Variants in ZNF699 observed in about 807,000 individuals in gnomAD.
ZNF699 encodes the protein zinc finger protein 699.
Under a neutral mutation model 22.5 loss-of-function variants are expected in ZNF699, and 18 were observed. The observed-to-expected ratio is 0.80, with a 90% CI of 0.55 to 1.19. The LOEUF is 1.19. Ranked by LOEUF, ZNF699 falls within the 50% of genes most tolerant of loss-of-function variation. The probability of loss-of-function intolerance (pLI) is 0.00; values close to 1 mark genes in which losing one functional copy is unlikely to be tolerated. For synonymous variants in ZNF699, 241 were observed against 262.3 expected (o/e 0.92, Z 0.78); for missense variants, 670 against 763.4 (o/e 0.88, Z 1.44).
chr19:9,296,673 G>A lies in ZNF699; in HGVS notation c.731C>T (p.Thr244Ile). The change falls in exon 6 of 6, where the codon ACC becomes ATC. Residue 244 changes from threonine (T) to isoleucine (I), a missense_variant. By Grantham distance (89) the Thr-to-Ile change is moderately conservative. Transcript: ENST00000591998. ...TTCATAGGGCTTCTCTTCAGTGGGGGTTTTCATATGCTTCTTGAAACAAGC... is the reference window on the plus strand; with the variant it reads ...TTCATAGGGCTTCTCTTCAGTGGGGATTTTCATATGCTTCTTGAAACAAGC... ...FLACFKKHMK[T>I]PTEEKPYECK... is the part of the protein sequence containing the mutation. 6.2e-7 allele frequency: 1 copy of A among 1,610,748 alleles called. No homozygotes were observed. Among genetic ancestry groups the A allele is most frequent in the Non-Finnish European group, 8.5e-7 (1 of 1,179,158 alleles).
chr19:9,298,018 G>T, intron 3 of ZNF699, 28 bp from the exon 4 acceptor site: 1 of 1,442,600 alleles, frequency 6.9e-7, no homozygotes, highest in Non-Finnish European at 9.7e-7. Context: ...CATATCACGA[G>T]GGAAAATAAT....
At chr19:9,299,918 A>G (rs188775415) in intron 3 of ZNF699, among the ~76,000 whole-genome samples, 1 of 152,278 alleles carries the variant, frequency 6.6e-6, no homozygotes, top group Non-Finnish European at 1.5e-5. Context: ...ACACCTCACC[A>G]AAGAACATAT....
In ZNF699 at chr19:9,297,776, C is replaced by T. The variant is rs185985409; in HGVS notation, c.286+104G>A. The T allele has an allele frequency of 6.0e-6, 5 of 837,152 alleles. No individual in the cohort carries two copies. In the East Asian group the frequency reaches 1.2e-4, roughly 21 times the overall value. The allele number at this position is 837,152 out of a possible 1,614,324, so 51.9% of individuals were successfully genotyped here. On this transcript the variant is annotated intron_variant, in intron 4 of 5. Transcript: ENST00000591998. The surrounding 1 kb of genome is among the most constrained non-coding windows in gnomAD (Gnocchi z 4.3). ...AAGTCAAAATAGTCATCTGAGCTAT[C>T]TGTGGAAGATGAGCTTCCTCATATA...
intron 1 of ZNF699, among the ~76,000 whole-genome samples, chr19:9,306,568 A>G (rs1489203967): frequency 1.3e-5 from 2 of 152,254 alleles, no homozygotes; most frequent in Admixed American, 6.5e-5. Context: ...AATATATGCC[A>G]TCTGGACAAC....
In ZNF699 at chr19:9,296,320, G is replaced by C. The variant is rs763105613; in HGVS notation, c.1084C>G (p.Pro362Ala). The stretch of plus-strand genomic sequence containing the variant: ...TTCCCACACTCTTTACATTCATAAG[G>C]CTTCTCTCCAGTGTGAATTCTTATA... ...IHIRIHTGEK[P>A]YECKECGKAF... The change falls in exon 6 of 6, where the codon CCT (proline) becomes GCT (alanine). Residue 362 changes from proline (P) to alanine (A), a missense_variant. Pro to Ala is a conservative substitution (Grantham distance 27, BLOSUM62 -1). Coordinates refer to ENST00000591998, the MANE Select transcript of ZNF699 (RefSeq NM_198535.3). The C allele has an allele frequency of 5.6e-6, 9 of 1,613,798 alleles. No homozygotes were observed. The highest frequency in any genetic ancestry group is 2.7e-5 in the African/African-American group (2 of 74,942).
rs2066275809 is a variant in ZNF699, at chr19:9,293,984, C to T, written c.*1491G>A. Among the ~76,000 whole-genome samples the T allele has an allele frequency of 6.6e-6, 1 of 150,882 alleles. No individual in the cohort carries two copies. ...CTGTTTAAAGGTGTCAAGTATAAAT[C>T]TTCCTCCATTAAAACAGGATGATAC... is the stretch of plus-strand genomic sequence containing the variant. On this transcript the variant is annotated 3_prime_UTR_variant, in exon 6 of 6. Transcript: ENST00000591998.
intron 1 of ZNF699, among the ~76,000 whole-genome samples, chr19:9,307,772 C>T (rs531981961): frequency 1.3e-5 from 2 of 151,818 alleles, no homozygotes; most frequent in Non-Finnish European, 2.9e-5. Context: ...GATGGTGAAA[C>T]CCACCTCTAC....
At chr19:9,304,780 G>A (rs1228881004) in intron 2 of ZNF699, among the ~76,000 whole-genome samples, 3 of 152,080 alleles carry the variant, frequency 2.0e-5, no homozygotes, top group African/African-American at 4.8e-5. Context: ...AAAGTTAGCC[G>A]AGAGTGGTGG....
At chr19:9,303,759 A>G (rs1344770818) in intron 2 of ZNF699, among the ~76,000 whole-genome samples, 2 of 152,132 alleles carry the variant, frequency 1.3e-5, no homozygotes, top group African/African-American at 4.8e-5. Context: ...TTATTGCTCT[A>G]GAGATTACAA....
In ZNF699 at chr19:9,297,947, T is replaced by G; in HGVS notation, c.219A>C (p.Gln73His). The change falls in exon 4 of 6, where the codon CAA becomes CAC. Residue 73 changes from glutamine to histidine, a missense_variant. Gln to His is a conservative substitution (Grantham distance 24). Transcript: ENST00000591998. The surrounding 1 kb of genome is among the most constrained non-coding windows in gnomAD (Gnocchi z 4.3). ...TCTTCACTGTCTGCAGGTCCTCCTC[T>G]TGTTCCCACTGGGAGATCAGATGGG... is the stretch of plus-strand genomic sequence containing the variant. ...HTPHLISQWE[Q>H]EEDLQTVKRE... 3 of 1,613,656 alleles carry G rather than the reference T, an allele frequency of 1.9e-6. No homozygotes were observed. Among genetic ancestry groups the G allele is most frequent in the Non-Finnish European group, 8.5e-7 (1 of 1,179,966 alleles).
In ZNF699 at chr19:9,295,829, G is replaced by A; in HGVS notation, c.1575C>T (p.His525=). The change falls in exon 6 of 6, where the codon CAC becomes CAT. Residue 525 remains histidine, a synonymous_variant. Coordinates refer to ENST00000591998, the MANE Select transcript of ZNF699 (RefSeq NM_198535.3). The part of the protein sequence containing the change: ...SSHLTVHIRT[H]TGEKPYECKK... ...TACATTCATAGGGTTTCTCTCCAGT[G>A]TGAGTTCTGATATGTACTGTAAGGT... 1 of 1,613,886 alleles carries A rather than the reference G, an allele frequency of 6.2e-7. No homozygotes were observed. The highest frequency in any genetic ancestry group is 1.1e-5 in the South Asian group (1 of 91,048).
chr19:9,296,557 C>T lies in ZNF699; in HGVS notation c.847G>A (p.Glu283Lys). The T allele has an allele frequency of 1.2e-6, 2 of 1,614,180 alleles. No individual in the cohort carries two copies. Among genetic ancestry groups the T allele is most frequent in the Non-Finnish European group, 1.7e-6 (2 of 1,180,022 alleles). The change falls in exon 6 of 6, where the codon GAA becomes AAA. Residue 283 changes from glutamate (E) to lysine (K), a missense_variant. Coordinates refer to ENST00000591998, the MANE Select transcript of ZNF699 (RefSeq NM_198535.3). ...GAACAACTAAAACCTTTCCCACATT[C>T]TTTACATTCATAGTTTGTCTTTCCG... ...HIGKTNYECK[E>K]CGKGFSCSSS...
At chr19:9,299,199 A>G (rs889042735) in intron 3 of ZNF699, among the ~76,000 whole-genome samples, 3 of 152,194 alleles carry the variant, frequency 2.0e-5, no homozygotes, top group African/African-American at 4.8e-5. Context: ...CAGTGCCACA[A>G]TCTCAGCTCA....
In ZNF699 at chr19:9,295,216, A is replaced by G. The variant is rs2066279851; in HGVS notation, c.*259T>C. Reference sequence around the variant, plus strand: ...TCCTATCAGAAAACACTGGTAATCAACGAGCCAGCATTCTACTTTAAGGAT... The same window carrying G: ...TCCTATCAGAAAACACTGGTAATCAGCGAGCCAGCATTCTACTTTAAGGAT... On this transcript the variant is annotated 3_prime_UTR_variant, in exon 6 of 6. Coordinates refer to ENST00000591998, the MANE Select transcript of ZNF699 (RefSeq NM_198535.3). The G allele has an allele frequency of 6.8e-6, 3 of 442,010 alleles. No individual in the cohort carries two copies. The highest frequency in any genetic ancestry group is 5.8e-5 in the South Asian group (1 of 17,100). The allele number at this position is 442,010 out of a possible 1,614,324, so 27.4% of individuals were successfully genotyped here. A position where few individuals can be genotyped will look rare whatever the true frequency, so the allele number is the denominator to read the frequency against.
rs147561518 is a variant in ZNF699 at position 9,292,010 on chromosome 19, A to G, written c.*3465T>C. On this transcript the variant is annotated 3_prime_UTR_variant, in exon 6 of 6. Coordinates refer to ENST00000591998, the MANE Select transcript of ZNF699 (RefSeq NM_198535.3). The stretch of plus-strand genomic sequence containing the variant: ...AGCCACTGTGCCTGGCCAAGCAGCA[A>G]TCTTTAGCAATCTAAACACATGTTA... 5.9e-5 allele frequency among the ~76,000 whole-genome samples: 9 copies of G among 152,236 alleles called. No homozygotes were observed. The highest frequency in any genetic ancestry group is 1.7e-4 in the African/African-American group (7 of 41,544).
At chr19:9,298,296 A>C (rs1318763741) in intron 3 of ZNF699, among the ~76,000 whole-genome samples, 1 of 152,088 alleles carries the variant, frequency 6.6e-6, no homozygotes, top group Non-Finnish European at 1.5e-5. Flanking sequence ...AAATACAAAA[A>C]TTAGCAGGGT....
intron 1 of ZNF699, among the ~76,000 whole-genome samples, chr19:9,307,062 A>G (rs890003676): frequency 2.0e-5 from 3 of 152,114 alleles, no homozygotes; most frequent in African/African-American, 7.2e-5. Context: ...TCAGCCGGGC[A>G]TGGTGGCGCA....
In ZNF699 at chr19:9,296,247, G is replaced by A. The variant is rs200135869; in HGVS notation, c.1157C>T (p.Thr386Ile). ...CTTACATTTATAGGGTTTCTCTCCA[G>A]TATGTGTCCTCCCATGTACAGTGAG... ...SKLTVHGRTH[T>I]GEKPYKCKEC... The change falls in exon 6 of 6, where the codon ACT becomes ATT. Residue 386 changes from threonine (T) to isoleucine (I), a missense_variant. Coordinates refer to ENST00000591998, the MANE Select transcript of ZNF699 (RefSeq NM_198535.3). The A allele has an allele frequency of 4.9e-5, 79 of 1,613,486 alleles. No individual in the cohort carries two copies. Among genetic ancestry groups the A allele is most frequent in the Non-Finnish European group, 6.0e-5 (71 of 1,179,916 alleles).
intron 1 of ZNF699, among the ~76,000 whole-genome samples, chr19:9,306,843 A>C (rs746594375): frequency 1.3e-5 from 2 of 152,190 alleles, no homozygotes; most frequent in Non-Finnish European, 2.9e-5. Flanking sequence ...CTTATTCCCT[A>C]GTTTTACCAG....
Sources: gnomAD v4.1 joint callset for allele counts (sites outside exome capture counted in the v4.1 genomes callset) on GRCh38, gnomAD v4.1.1 for gene constraint, Gnocchi (gnomAD v3.1) non-coding constraint, MANE v1.5 for transcripts, NCBI Gene and HGNC (gene_info 2026-07-23, HGNC 2026-07-21) for gene names.